Variants in ATL3 observed in about 807,000 individuals in gnomAD.
ATL3 encodes atlastin GTPase 3.
Under a neutral mutation model 69.5 loss-of-function variants are expected in ATL3, and 49 were observed. The ratio of observed to expected loss-of-function variants is 0.71; its 90% CI spans 0.56 to 0.89. ATL3 has a LOEUF of 0.89. ATL3 is among the 40% of genes least tolerant of loss of function. ATL3 has a pLI of 0.00. For missense variants in ATL3, 606 were observed against 645.7 expected (o/e 0.94, Z 0.67); for synonymous variants, 214 against 224.1 (o/e 0.95, Z 0.40).
intron 3 of ATL3, among the ~76,000 whole-genome samples, chr11:63,652,930 C>T (rs1439981478): frequency 6.6e-6 from 1 of 152,170 alleles, no homozygotes. Flanking sequence ...CAGTGGCTCA[C>T]ACCTATAATA....
chr11:63,638,163 T>C lies in ATL3; in HGVS notation c.851-1829A>G, dbSNP rs981530593. Among the ~76,000 whole-genome samples, 4 of 152,178 alleles carry C rather than the reference T, an allele frequency of 2.6e-5. No homozygotes were observed. In the East Asian group the frequency reaches 5.8e-4, roughly 22 times the overall value. ...ACCCTATATGCTACTCATGTTTCTA[T>C]GAAGGCTACACCAAAATAATAGTTT... On this transcript the variant is annotated intron_variant, in intron 8 of 12. Transcript: ENST00000398868.
chr11:63,668,091 T>A (rs1249911116), intron 1 of ATL3, among the ~76,000 whole-genome samples: 1 of 152,194 alleles, frequency 6.6e-6, no homozygotes, highest in East Asian at 1.9e-4. Flanking sequence ...AACCAACCAG[T>A]CACAGAAACA....
At chr11:63,671,745 C>A, upstream of ATL3, 1 of 1,214,396 alleles carries the variant, frequency 8.2e-7, no homozygotes. Flanking sequence ...CGGGGCTTGG[C>A]GTGGTTCTCC....
At chr11:63,640,332 G>A (rs1165026498) in intron 8 of ATL3, among the ~76,000 whole-genome samples, 1 of 151,976 alleles carries the variant, frequency 6.6e-6, no homozygotes, top group Non-Finnish European at 1.5e-5. Context: ...CTGTCACCCA[G>A]GCTAGAGTGC....
In ATL3 at chr11:63,659,144, T is replaced by C. The variant is rs746460770; in HGVS notation, c.155A>G (p.Gln52Arg). The C allele has an allele frequency of 6.8e-6, 11 of 1,614,044 alleles. No homozygotes were observed. Among genetic ancestry groups the C allele is most frequent in the African/African-American group, 2.7e-5 (2 of 74,912 alleles). ...DEKALASILLQDHIRDLDVVV... is the reference protein window; with the variant it reads ...DEKALASILLRDHIRDLDVVV... Reference sequence around the variant, plus strand: ...CACATCAAGATCTCGGATGTGGTCCTGCAAGAGGATGCTGGCCAAGGCTTT... The same window carrying C: ...CACATCAAGATCTCGGATGTGGTCCCGCAAGAGGATGCTGGCCAAGGCTTT... The change falls in exon 2 of 13, where the codon CAG (glutamine) becomes CGG (arginine). Residue 52 changes from glutamine to arginine, a missense_variant. Gln to Arg is a conservative substitution (Grantham distance 43). Coordinates refer to ENST00000398868, the MANE Select transcript of ATL3 (RefSeq NM_015459.5).
chr11:63,638,990 C>G (rs1033683748), intron 8 of ATL3, among the ~76,000 whole-genome samples: 6 of 152,128 alleles, frequency 3.9e-5, no homozygotes, highest in African/African-American at 1.4e-4. Flanking sequence ...TGGATTAGCC[C>G]TAACAACCTC....
intron 8 of ATL3, 90 bp downstream of exon 8, chr11:63,643,267 T>G: frequency 7.3e-7 from 1 of 1,373,822 alleles, no homozygotes; most frequent in Non-Finnish European, 9.9e-7. Context: ...GCATACCATT[T>G]TTCTTAAGCA....
intron 10 of ATL3, among the ~76,000 whole-genome samples, chr11:63,635,020 G>C (rs1179923768): frequency 6.6e-6 from 1 of 151,982 alleles, no homozygotes; most frequent in African/African-American, 2.4e-5. Flanking sequence ...AAATTAGCCA[G>C]GCATGGTGGT....
intron 10 of ATL3, among the ~76,000 whole-genome samples, chr11:63,634,120 G>A (rs1165766901): frequency 6.6e-6 from 1 of 150,414 alleles, no homozygotes; most frequent in Non-Finnish European, 1.5e-5. Context: ...GCTGAGGTGG[G>A]AGGATCACTT....
intron 5 of ATL3, 98 bp downstream of exon 5, chr11:63,651,838 T>C: frequency 1.4e-6 from 2 of 1,457,968 alleles, no homozygotes; most frequent in South Asian, 1.4e-5. Context: ...TTCCTCTACA[T>C]TTCAATCTTT....
intron 10 of ATL3, 142 bp downstream of exon 10, chr11:63,635,392 T>C: frequency 1.5e-6 from 1 of 682,826 alleles, no homozygotes; most frequent in Non-Finnish European, 2.4e-6. Context: ...TACTGCAAAA[T>C]GTGCTAAAAA....
At position 63,636,088 on chromosome 11, in the gene ATL3, C is replaced by T. The variant is rs1939506103; in HGVS notation, c.978+119G>A. 9.9e-6 allele frequency: 13 copies of T among 1,316,058 alleles called. No individual in the cohort carries two copies. In the East Asian group the frequency reaches 2.6e-4, roughly 27 times the overall value. 81.5% of individuals were successfully genotyped at this position (1,316,058 alleles called of 1,614,324 possible). The stretch of plus-strand genomic sequence containing the variant: ...AGGACACCAAGGTCTCTGAAAATGC[C>T]TCTCACCATCTCCCCCAGAAAATTT... On this transcript the variant is annotated intron_variant, in intron 9 of 12. Coordinates refer to ENST00000398868, the MANE Select transcript of ATL3 (RefSeq NM_015459.5).
intron 1 of ATL3, among the ~76,000 whole-genome samples, chr11:63,663,765 G>C (rs1361058377): frequency 6.6e-6 from 1 of 152,184 alleles, no homozygotes; most frequent in Non-Finnish European, 1.5e-5. Context: ...GAGATGTCTG[G>C]TTGTTCCCCC....
At chr11:63,643,650 C>T (rs144397896) in intron 7 of ATL3, among the ~76,000 whole-genome samples, 155 bp from the exon 8 acceptor site, 73 of 152,256 alleles carry the variant, frequency 4.8e-4, no homozygotes, top group Non-Finnish European at 9.3e-4. Context: ...GCAATAAACA[C>T]ACAAATCTGA....
chr11:63,658,982 C>CT lies in ATL3; in HGVS notation c.261+55dup, dbSNP rs1940341266. ...AAGGATAATCTATGAGCTTATTTCGCTTTTTTGGACATTAAAGTCTCACTT... is the reference window on the plus strand; with the variant it reads ...AAGGATAATCTATGAGCTTATTTCGCTTTTTTTGGACATTAAAGTCTCACTT... On this transcript the variant is annotated intron_variant, in intron 2 of 12. Transcript: ENST00000398868. 3.1e-6 allele frequency: 5 copies of CT among 1,603,380 alleles called. No individual in the cohort carries two copies. The East Asian group carries it at 6.7e-5, about 21-fold the overall frequency.
intron 1 of ATL3, among the ~76,000 whole-genome samples, chr11:63,670,993 C>T (rs1374319666): frequency 6.6e-6 from 1 of 152,136 alleles, no homozygotes; most frequent in East Asian, 1.9e-4. Flanking sequence ...CGCCCAGGGG[C>T]AGCTGCAGCC....
Position 63,641,738 on chromosome 11 carries a change from C to T in ATL3, c.850+1619G>A, listed in dbSNP as rs142119882. Among the ~76,000 whole-genome samples the T allele has an allele frequency of 7.9e-5, 12 of 152,250 alleles. 1 individual carries two copies. The East Asian group carries it at 2.3e-3, about 29-fold the overall frequency. ...CTAGTTTGTGGTAATTGGTTAAAGGCAGCCACAGGAAATTAATACAACCAA... is the reference window on the plus strand; with the variant it reads ...CTAGTTTGTGGTAATTGGTTAAAGGTAGCCACAGGAAATTAATACAACCAA... On this transcript the variant is annotated intron_variant, in intron 8 of 12. Transcript: ENST00000398868.
chr11:63,653,196 G>A (rs1202271740), intron 3 of ATL3, among the ~76,000 whole-genome samples: 2 of 152,074 alleles, frequency 1.3e-5, no homozygotes, highest in African/African-American at 2.4e-5. Flanking sequence ...GCCAGGCGCA[G>A]TGGCTCACAC....
Position 63,646,381 on chromosome 11 carries a change from A to T in ATL3, c.618+126T>A. ...TTTTCAACCATTTAAAAATGTAAAA[A>T]CCATTCTTAGCTCACAAGTCATATA... is the stretch of plus-strand genomic sequence containing the variant. On this transcript the variant is annotated intron_variant, in intron 6 of 12. Coordinates refer to ENST00000398868, the MANE Select transcript of ATL3 (RefSeq NM_015459.5). The T allele has an allele frequency of 9.0e-6, 5 of 555,504 alleles. No individual in the cohort carries two copies. The South Asian group carries it at 1.1e-4, about 12-fold the overall frequency. The allele number at this position is 555,504 out of a possible 1,614,324, so 34.4% of individuals were successfully genotyped here.
Sources: allele counts gnomAD v4.1 joint callset (sites outside exome capture counted in the v4.1 genomes callset), GRCh38; gene constraint gnomAD v4.1.1; transcripts MANE v1.5; gene names NCBI Gene and HGNC (gene_info 2026-07-23, HGNC 2026-07-21).